OPCML: variants seen among roughly 807,000 people sequenced by gnomAD.
OPCML encodes opioid-binding protein/cell adhesion molecule.
A neutral mutation model predicts 37.8 loss-of-function variants in OPCML; 13 were observed. That is an observed-to-expected ratio of 0.34 (90% CI 0.22 to 0.55). The LOEUF (loss-of-function observed/expected upper bound fraction) is 0.55. OPCML is among the 20% of genes least tolerant of loss of function. OPCML has a pLI of 0.91. For missense variants in OPCML, 341 were observed against 435.6 expected, an observed-to-expected ratio of 0.78 and a Z score of 1.93; for synonymous variants, 176 against 168.8, an observed-to-expected ratio of 1.04 and a Z score of -0.33.
At chr11:132,735,893 G>C (rs1406222882) in intron 2 of OPCML, among the ~76,000 whole-genome samples, 1 of 152,130 alleles carries the variant, frequency 6.6e-6, no homozygotes, top group Non-Finnish European at 1.5e-5. Context: ...CCAAGAAGCA[G>C]CTGGAAAAAG....
At chr11:133,204,309 G>C (rs902634367) in intron 1 of OPCML, among the ~76,000 whole-genome samples, 4 of 152,104 alleles carry the variant, frequency 2.6e-5, no homozygotes, top group African/African-American at 9.7e-5. Flanking sequence ...TTTCTATTTC[G>C]TCATTCACAT....
At chr11:133,408,626 A>G (rs1283553530) in intron 1 of OPCML, among the ~76,000 whole-genome samples, 1 of 152,128 alleles carries the variant, frequency 6.6e-6, no homozygotes, top group South Asian at 2.1e-4. Flanking sequence ...ACCCAGAGGC[A>G]GGGCTGCTCA....
chr11:132,891,993 T>TAGGA (rs1422551536), intron 2 of OPCML, among the ~76,000 whole-genome samples: 1 of 152,086 alleles, frequency 6.6e-6, no homozygotes, highest in East Asian at 1.9e-4. Context: ...AAGGACCCAC[T>TAGGA]GCATGGATTT....
intron 3 of OPCML, among the ~76,000 whole-genome samples, chr11:132,589,499 T>A (rs1258537766): frequency 2.0e-5 from 3 of 152,228 alleles, no homozygotes; most frequent in Non-Finnish European, 4.4e-5. Context: ...ATAGAAACTT[T>A]CAGATTCTGA....
intron 2 of OPCML, among the ~76,000 whole-genome samples, chr11:132,933,627 G>T (rs1042815181): frequency 1.3e-5 from 2 of 152,096 alleles, no homozygotes; most frequent in African/African-American, 4.8e-5. Context: ...GAGAGACAGA[G>T]AGATAGAGAT....
At chr11:132,603,115 C>G (rs1938037745) in intron 3 of OPCML, among the ~76,000 whole-genome samples, 1 of 152,142 alleles carries the variant, frequency 6.6e-6, no homozygotes, top group South Asian at 2.1e-4. Flanking sequence ...ATCTGGGTGC[C>G]TGAGAAATGT....
chr11:132,436,806 C>T (rs762776894), intron 5 of OPCML, 27 bp from the exon 6 acceptor site: 1 of 1,607,976 alleles, frequency 6.2e-7, no homozygotes, highest in Non-Finnish European at 8.5e-7. Context: ...CACACACATG[C>T]ACAGGCATGC....
intron 2 of OPCML, among the ~76,000 whole-genome samples, chr11:132,757,605 A>C (rs1946100734): frequency 6.6e-6 from 1 of 152,124 alleles, no homozygotes; most frequent in African/African-American, 2.4e-5. Context: ...TCTTCTTTTG[A>C]GAAGTGTCTG....
chr11:132,666,116 A>T lies in OPCML; in HGVS notation c.147-8797T>A, dbSNP rs192719244. Among the ~76,000 whole-genome samples, 159 of 152,284 alleles carry T rather than the reference A, an allele frequency of 1.0e-3. 2 individuals carry two copies. Among genetic ancestry groups the T allele is most frequent in the East Asian group, 7.9e-3 (41 of 5,170 alleles). ...AACACTGATACATGAGTACAAGCTG[A>T]ATTAGGATGGTGTCTTCGTCCATTT... On this transcript the variant is annotated intron_variant, in intron 2 of 7. Coordinates refer to ENST00000524381, the MANE Select transcript of OPCML (RefSeq NM_001012393.5).
intron 3 of OPCML, among the ~76,000 whole-genome samples, chr11:132,581,190 T>C (rs2096461373): frequency 6.6e-6 from 1 of 152,178 alleles, no homozygotes; most frequent in Admixed American, 6.5e-5. Flanking sequence ...CTATAGATCA[T>C]CATGAAGGTG....
chr11:133,457,875 G>A (rs1946705882), intron 1 of OPCML, among the ~76,000 whole-genome samples: 1 of 152,086 alleles, frequency 6.6e-6, no homozygotes, highest in Admixed American at 6.6e-5. Flanking sequence ...AGCCAGGTCT[G>A]GTGGCTCACG....
rs573742376 is a variant in OPCML, at chr11:132,488,612, G to T, written c.505+40449C>A. ...GTGGTGAGTGAATGTGAAGGCCTGG[G>T]ATATTACCATACTCCACACATAGGC... On this transcript the variant is annotated intron_variant, in intron 4 of 7. Coordinates refer to ENST00000524381, the MANE Select transcript of OPCML (RefSeq NM_001012393.5). Among the ~76,000 whole-genome samples, 4 of 152,220 alleles carry T rather than the reference G, an allele frequency of 2.6e-5. No homozygotes were observed. The East Asian group carries it at 7.7e-4, about 29-fold the overall frequency.
At chr11:133,207,408 A>G (rs2136332734) in intron 1 of OPCML, among the ~76,000 whole-genome samples, 1 of 152,326 alleles carries the variant, frequency 6.6e-6, no homozygotes, top group South Asian at 2.1e-4. Context: ...ATTGAATATC[A>G]GAGTTTTCAG....
rs1003859218 is a variant in OPCML, at chr11:133,211,330, G to A, written c.62-268320C>T. ...AAAAATCCACTCTTTAAGCATAATA[G>A]TCTATTGATTACCTCAGTTATTGAA... On this transcript the variant is annotated intron_variant, in intron 1 of 7. Transcript: ENST00000524381. This position sits in a 1 kb window ranked among gnomAD's most constrained non-coding sequence, Gnocchi z 4.1. Among the ~76,000 whole-genome samples, 2 of 152,112 alleles carry A rather than the reference G, an allele frequency of 1.3e-5. No homozygotes were observed. Among genetic ancestry groups the A allele is most frequent in the African/African-American group, 4.8e-5 (2 of 41,404 alleles).
chr11:133,247,752 GC>G (rs1187102112), intron 1 of OPCML, among the ~76,000 whole-genome samples: 5 of 151,788 alleles, frequency 3.3e-5, no homozygotes, highest in South Asian at 4.1e-4. Context: ...ATCCACATGA[GC>G]CACCATGCCC....
intron 2 of OPCML, among the ~76,000 whole-genome samples, chr11:132,681,716 G>A (rs1382131470): frequency 6.6e-6 from 1 of 152,120 alleles, no homozygotes; most frequent in Non-Finnish European, 1.5e-5. Flanking sequence ...AGCACTTTGG[G>A]AGGCCGAGGT....
intron 2 of OPCML, among the ~76,000 whole-genome samples, chr11:132,927,374 C>G (rs78231252): frequency 0.03 from 4,491 of 152,124 alleles, 220 homozygotes; most frequent in African/African-American, 0.1. Context: ...ATCTTGCCTC[C>G]CAGAAGGCGG....
At chr11:132,933,822 G>A (rs1002340622) in intron 2 of OPCML, among the ~76,000 whole-genome samples, 1 of 152,130 alleles carries the variant, frequency 6.6e-6, no homozygotes, top group Non-Finnish European at 1.5e-5. Flanking sequence ...AAAGCACACG[G>A]CGGTACAAAT....
chr11:133,140,326 A>G (rs1206033013), intron 1 of OPCML, among the ~76,000 whole-genome samples: 1 of 149,950 alleles, frequency 6.7e-6, no homozygotes, highest in Non-Finnish European at 1.5e-5. Context: ...AGCCTAGCCA[A>G]TGTGGTGAAA....
Sources: gnomAD v4.1 joint callset for allele counts (sites outside exome capture counted in the v4.1 genomes callset) on GRCh38, gnomAD v4.1.1 for gene constraint, Gnocchi (gnomAD v3.1) non-coding constraint, MANE v1.5 for transcripts, NCBI Gene and HGNC (gene_info 2026-07-23, HGNC 2026-07-21) for gene names.